The following GRIA2 variants were observed in gnomAD, a reference collection of about 807,000 sequenced individuals.
The protein encoded by GRIA2 is glutamate ionotropic receptor AMPA type subunit 2.
A neutral mutation model predicts 97.3 loss-of-function variants in GRIA2; 14 were observed. The ratio of observed to expected loss-of-function variants is 0.14; its 90% confidence interval spans 0.10 to 0.23. The LOEUF (loss-of-function observed/expected upper bound fraction) is 0.23, where lower values mean the gene tolerates loss of function less well. GRIA2 is among the 10% of genes least tolerant of loss of function. GRIA2 has a pLI of 1.00. For missense variants in GRIA2, 558 were observed against 1,069.8 expected (o/e 0.52, Z 6.67); for synonymous variants, 412 against 387.8 (o/e 1.06, Z -0.73).
chr4:157,268,257 C>T (rs1002985429), intron 2 of GRIA2, among the ~76,000 whole-genome samples: 1 of 151,886 alleles, frequency 6.6e-6, no homozygotes, highest in Non-Finnish European at 1.5e-5. Flanking sequence ...GTTACATATG[C>T]CCAAGGGAAT....
chr4:157,309,713 A>G (rs189846194), intron 3 of GRIA2, among the ~76,000 whole-genome samples: 1 of 152,294 alleles, frequency 6.6e-6, no homozygotes, highest in African/African-American at 2.4e-5. Context: ...TAGGATTTCC[A>G]CTTGGTGAAA....
chr4:157,310,372 G>T (rs988786626), intron 3 of GRIA2, among the ~76,000 whole-genome samples: 1 of 151,922 alleles, frequency 6.6e-6, no homozygotes, highest in South Asian at 2.1e-4. Flanking sequence ...TCAGCATGTG[G>T]TTCAATCTTC....
At chr4:157,264,884 C>G (rs942906095) in intron 2 of GRIA2, among the ~76,000 whole-genome samples, 125 of 151,740 alleles carry the variant, frequency 8.2e-4, no homozygotes, top group Non-Finnish European at 1.6e-3. Context: ...CACACACGCT[C>G]TCTCTCTCTC....
At chr4:157,272,358 G>A (rs1379022224) in intron 2 of GRIA2, among the ~76,000 whole-genome samples, 1 of 151,936 alleles carries the variant, frequency 6.6e-6, no homozygotes, top group Admixed American at 6.6e-5. Flanking sequence ...AGGGCAATTT[G>A]CCACCCCTAA....
chr4:157,313,283 C>CAT (rs1389146822), intron 4 of GRIA2, among the ~76,000 whole-genome samples: 5 of 152,034 alleles, frequency 3.3e-5, no homozygotes, highest in Admixed American at 1.3e-4. Flanking sequence ...TTTGGAGTTA[C>CAT]ATAGACCATC....
At chr4:157,304,317 A>G (rs1490035669) in intron 3 of GRIA2, among the ~76,000 whole-genome samples, 1 of 152,218 alleles carries the variant, frequency 6.6e-6, no homozygotes, top group Non-Finnish European at 1.5e-5. Flanking sequence ...GGTCTCTGAT[A>G]CCAAACCTAT....
Position 157,333,308 on chromosome 4 carries a change from C to T in GRIA2, c.1110C>T (p.Asn370=). 1 of 1,603,452 alleles carries T rather than the reference C, an allele frequency of 6.2e-7. No homozygotes were observed. Among genetic ancestry groups the T allele is most frequent in the Non-Finnish European group, 8.5e-7 (1 of 1,172,550 alleles). ...IKFDQNGKRI[N]YTINIMELKT... is the part of the protein sequence containing the mutation. ...TTGACCAGAATGGAAAAAGAATAAA[C>T]TATACAATTAACATCATGGAGCTCA... is the stretch of plus-strand genomic sequence containing the variant. Residue 370 remains asparagine, a synonymous_variant, in exon 8 of 16, where the codon AAC becomes AAT. Coordinates refer to ENST00000264426, the MANE Select transcript of GRIA2 (RefSeq NM_001083619.3).
At chr4:157,269,760 A>G (rs904695202) in intron 2 of GRIA2, among the ~76,000 whole-genome samples, 4 of 152,166 alleles carry the variant, frequency 2.6e-5, no homozygotes, top group Admixed American at 2.0e-4. Context: ...CTCCTTAACT[A>G]TTTTGAAATA....
Position 157,346,384 on chromosome 4 carries a change from G to A in GRIA2, c.2043+4922G>A, listed in dbSNP as rs555267613. Among the ~76,000 whole-genome samples, 236 of 152,002 alleles carry A rather than the reference G, an allele frequency of 1.6e-3. 2 individuals are homozygous for A. Among genetic ancestry groups the A allele is most frequent in the African/African-American group, 5.5e-3 (230 of 41,478 alleles). On this transcript the variant is annotated intron_variant, in intron 12 of 15. Transcript: ENST00000264426. ...GGATTTCACAAATTTGTCATTCCCCGTACTTATTTTATTATTCCTGATATT... is the reference window on the plus strand; with the variant it reads ...GGATTTCACAAATTTGTCATTCCCCATACTTATTTTATTATTCCTGATATT...
intron 6 of GRIA2, among the ~76,000 whole-genome samples, chr4:157,323,421 G>T (rs1444467765): frequency 2.7e-5 from 4 of 147,258 alleles, no homozygotes; most frequent in Non-Finnish European, 6.0e-5. Context: ...TTCTGAGCAG[G>T]TAGATGGATA....
At chr4:157,355,668 TTTTA>T (rs1560780628) in intron 12 of GRIA2, among the ~76,000 whole-genome samples, 10 of 100,378 alleles carry the variant, frequency 1.0e-4, no homozygotes, top group African/African-American at 2.0e-4. Flanking sequence ...TTATATTTAT[TTTTA>T]TATATTTATT....
intron 2 of GRIA2, among the ~76,000 whole-genome samples, chr4:157,258,394 G>T (rs1731377730): frequency 6.6e-6 from 1 of 151,996 alleles, no homozygotes; most frequent in South Asian, 2.1e-4. Flanking sequence ...GAAGATAAGG[G>T]ATGAAATAAG....
At chr4:157,277,838 A>ATATATGTATATATGTATATATATG (rs1553951548) in intron 2 of GRIA2, among the ~76,000 whole-genome samples, 4 of 142,414 alleles carry the variant, frequency 2.8e-5, no homozygotes, top group African/African-American at 1.0e-4. Context: ...ATATATGTAT[A>ATATATGTATATATGTATATATATG]TATATATGTA....
At chr4:157,261,977 T>C (rs1035735855) in intron 2 of GRIA2, among the ~76,000 whole-genome samples, 18 of 152,082 alleles carry the variant, frequency 1.2e-4, no homozygotes, top group African/African-American at 4.3e-4. Context: ...GGTTATATGC[T>C]CAAAAGTTTT....
At position 157,363,617 on chromosome 4, in the gene GRIA2, A is replaced by C. The variant is rs1364516018; in HGVS notation, c.*186A>C. On this transcript the variant is annotated 3_prime_UTR_variant, in exon 16 of 16. Coordinates refer to ENST00000264426, the MANE Select transcript of GRIA2 (RefSeq NM_001083619.3). Reference sequence around the variant, plus strand: ...TCTCGTGATTGATAAGAACCTTTTGAGTGCCTTACACAATGGTTTTCTTGT... The same window carrying C: ...TCTCGTGATTGATAAGAACCTTTTGCGTGCCTTACACAATGGTTTTCTTGT... 1 of 1,217,268 alleles carries C rather than the reference A, an allele frequency of 8.2e-7. No homozygotes were observed. Among genetic ancestry groups the C allele is most frequent in the Admixed American group, 4.2e-5 (1 of 23,642 alleles). The allele number at this position is 1,217,268 out of a possible 1,614,324, so 75.4% of individuals were successfully genotyped here.
intron 5 of GRIA2, among the ~76,000 whole-genome samples, chr4:157,319,268 T>C (rs961885527): frequency 1.3e-5 from 2 of 152,160 alleles, no homozygotes; most frequent in African/African-American, 4.8e-5. Flanking sequence ...CAGAGCCACA[T>C]TGAAAGCTGT....
At chr4:157,227,117 C>T (rs753735901) in intron 2 of GRIA2, among the ~76,000 whole-genome samples, 13 of 152,114 alleles carry the variant, frequency 8.5e-5, no homozygotes, top group Admixed American at 3.3e-4. Context: ...CCTTATGAAA[C>T]TATAGAGGCT....
chr4:157,344,162 CA>C (rs1308943391), intron 12 of GRIA2, among the ~76,000 whole-genome samples: 1 of 151,916 alleles, frequency 6.6e-6, no homozygotes, highest in African/African-American at 2.4e-5. Context: ...ATTTTAAAGA[CA>C]AAAATATTTG....
chr4:157,341,466 A>G lies in GRIA2; in HGVS notation c.2043+4A>G. ...CTCCACTAAAGAGTTTTTCAGGGTA[A>G]GAGATTCTGCTTTGTAGTTTCTGAT... On this transcript the variant is annotated splice_donor_region_variant and intron_variant, in intron 12 of 15. Transcript: ENST00000264426. 6.4e-7 allele frequency: 1 copy of G among 1,574,752 alleles called. No homozygotes were observed. Among genetic ancestry groups the G allele is most frequent in the Non-Finnish European group, 8.7e-7 (1 of 1,144,516 alleles).
Sources: allele counts gnomAD v4.1 joint callset (sites outside exome capture counted in the v4.1 genomes callset), GRCh38; gene constraint gnomAD v4.1.1; transcripts MANE v1.5; gene names NCBI Gene and HGNC (gene_info 2026-07-23, HGNC 2026-07-21).